The following AP3S2 variants were observed in gnomAD, a reference collection of about 807,000 sequenced individuals.
AP3S2 encodes adaptor related protein complex 3 subunit sigma 2.
In AP3S2, 22 loss-of-function variants were observed where a neutral mutation model predicts 23.4. The ratio of observed to expected loss-of-function variants is 0.94; its 90% confidence interval spans 0.67 to 1.34. The LOEUF is 1.34. AP3S2 is among the 40% of genes most tolerant of loss of function. The pLI is 0.00. For synonymous variants in AP3S2, 86 were observed against 87.1 expected, an observed-to-expected ratio of 0.99 and a Z score of 0.07; for missense variants, 241 against 236.9, an observed-to-expected ratio of 1.02 and a Z score of -0.11.
intron 4 of AP3S2, among the ~76,000 whole-genome samples, chr15:89,863,457 T>C (rs1046541803): frequency 1.1e-4 from 17 of 152,036 alleles, no homozygotes; most frequent in African/African-American, 3.9e-4. Flanking sequence ...AGTGACATTA[T>C]GGTGTGTGTC....
intron 4 of AP3S2, among the ~76,000 whole-genome samples, chr15:89,867,261 G>A (rs1170259379): frequency 5.3e-4 from 79 of 148,992 alleles, no homozygotes; most frequent in African/African-American, 1.9e-3. Flanking sequence ...TGATCCGCCA[G>A]CCTTGGCCTC....
At chr15:89,843,621 C>T (rs115889374) in intron 4 of AP3S2, among the ~76,000 whole-genome samples, 3,235 of 151,818 alleles carry the variant, frequency 0.021, 86 homozygotes, top group African/African-American at 0.059. Flanking sequence ...GGTGATGGAG[C>T]GAGACTCTAT....
At chr15:89,892,252 T>C (rs1171975715) in intron 1 of AP3S2, among the ~76,000 whole-genome samples, 1 of 151,992 alleles carries the variant, frequency 6.6e-6, no homozygotes, top group African/African-American at 2.4e-5. Flanking sequence ...CATGGAGAAA[T>C]AGGGAGTGAC....
At chr15:89,883,451 A>G (rs1332508380) in intron 3 of AP3S2, among the ~76,000 whole-genome samples, 1 of 151,296 alleles carries the variant, frequency 6.6e-6, no homozygotes, top group African/African-American at 2.4e-5. Context: ...GCTGGAGTGT[A>G]GTGGCATGAA....
chr15:89,859,264 T>C (rs1207451255), intron 4 of AP3S2, among the ~76,000 whole-genome samples: 1 of 150,534 alleles, frequency 6.6e-6, no homozygotes, highest in African/African-American at 2.5e-5. Context: ...TCCTTCCTTT[T>C]TTTCTTTTCT....
chr15:89,869,447 G>A (rs1896260817), intron 4 of AP3S2, among the ~76,000 whole-genome samples: 1 of 147,036 alleles, frequency 6.8e-6, no homozygotes. Flanking sequence ...AGGCCGCAGG[G>A]TCCTCTGCCT....
At chr15:89,871,393 A>C in intron 4 of AP3S2, 82 bp downstream of exon 4, 1 of 1,266,140 alleles carries the variant, frequency 7.9e-7, no homozygotes, top group Non-Finnish European at 1.1e-6. Context: ...AACAATATGA[A>C]GATGTAGAGG....
chr15:89,893,834 C>T (rs1310764138), intron 1 of AP3S2, 47 bp downstream of exon 1: 1 of 1,547,802 alleles, frequency 6.5e-7, no homozygotes, highest in East Asian at 2.4e-5. Flanking sequence ...GGAGGGAAGA[C>T]ATAGTGGGCG....
At chr15:89,868,676 C>T (rs1896227922) in intron 4 of AP3S2, among the ~76,000 whole-genome samples, 1 of 120,126 alleles carries the variant, frequency 8.3e-6, no homozygotes, top group Non-Finnish European at 1.8e-5. Context: ...GCCAGCCGCC[C>T]GGTCCGGGAG....
At chr15:89,852,088 C>T (rs150693569) in intron 4 of AP3S2, among the ~76,000 whole-genome samples, 125 of 151,846 alleles carry the variant, frequency 8.2e-4, no homozygotes, top group Non-Finnish European at 1.4e-3. Flanking sequence ...TAATCAGAGT[C>T]CAGGATCTGA....
chr15:89,844,213 TTCTTTCTTTCTTTC>T (rs1895410560), intron 4 of AP3S2, among the ~76,000 whole-genome samples: 2 of 9,728 alleles, frequency 2.1e-4, no homozygotes, highest in African/African-American at 3.1e-4. Flanking sequence ...TTCTTTCTCT[TTCTTTCTTTCTTTC>T]TTTCTTTCTT....
intron 3 of AP3S2, among the ~76,000 whole-genome samples, chr15:89,886,299 C>G (rs928408330): frequency 6.6e-6 from 1 of 151,930 alleles, no homozygotes; most frequent in Non-Finnish European, 1.5e-5. Context: ...GAGCTGAGAT[C>G]GTGCCACTGC....
intron 5 of AP3S2, 151 bp from the exon 6 acceptor site, chr15:89,835,794 G>A (rs1026500097): frequency 1.5e-5 from 18 of 1,220,742 alleles, no homozygotes; most frequent in South Asian, 1.3e-4. Flanking sequence ...TTGGGAGGCC[G>A]AGGTGGGTGG....
chr15:89,835,574 G>A lies in AP3S2; in HGVS notation c.523C>T (p.Arg175Trp), dbSNP rs139910320. ...TTGAGATCGCCAATGTTGATGTTCC[G>A]AGGAATCTCTGGCAGGTTGATGTTT... ...VKNINLPEIPRNINIGDLNIK... is the reference protein window; with the variant it reads ...VKNINLPEIPWNINIGDLNIK... The change falls in exon 6 of 6, where the codon CGG becomes TGG. Residue 175 changes from arginine (R) to tryptophan (W), a missense_variant. Coordinates refer to ENST00000336418, the MANE Select transcript of AP3S2 (RefSeq NM_005829.5). The A allele has an allele frequency of 2.9e-5, 47 of 1,613,992 alleles. No individual in the cohort carries two copies. Among genetic ancestry groups the A allele is most frequent in the East Asian group, 6.7e-5 (3 of 44,868 alleles).
Position 89,835,159 on chromosome 15 carries a change from C to T in AP3S2, c.*356G>A. 1 of 323,558 alleles carries T rather than the reference C, an allele frequency of 3.1e-6. No homozygotes were observed. Among genetic ancestry groups the T allele is most frequent in the South Asian group, 1.1e-4 (1 of 9,112 alleles). The allele number at this position is 323,558 out of a possible 1,614,324, so 20.0% of individuals were successfully genotyped here. On this transcript the variant is annotated 3_prime_UTR_variant, in exon 6 of 6. Coordinates refer to ENST00000336418, the MANE Select transcript of AP3S2 (RefSeq NM_005829.5). ...GCCCTAGTGAGGAGGTTCTGGGAAG[C>T]AGGTGGGCCTGCTCAATGCAGTCCC...
chr15:89,869,334 G>A (rs1358103099), intron 4 of AP3S2, among the ~76,000 whole-genome samples: 1 of 148,236 alleles, frequency 6.7e-6, no homozygotes, highest in East Asian at 2.0e-4. Context: ...ATTAAGGGCG[G>A]TGCAAGATGT....
At chr15:89,864,653 C>T (rs1488587662) in intron 4 of AP3S2, among the ~76,000 whole-genome samples, 2 of 150,954 alleles carry the variant, frequency 1.3e-5, no homozygotes, top group African/African-American at 2.4e-5. Context: ...AAGTGATTCT[C>T]CTGCCTCAGC....
At chr15:89,844,292 T>C (rs1368734781) in intron 4 of AP3S2, among the ~76,000 whole-genome samples, 3 of 147,720 alleles carry the variant, frequency 2.0e-5, no homozygotes, top group Non-Finnish European at 4.5e-5. Context: ...TCTTTCTTTC[T>C]TTACTTTTTT....
chr15:89,876,910 C>A, intron 3 of AP3S2: 1 of 192,204 alleles, frequency 5.2e-6, no homozygotes. Flanking sequence ...CAAATGGGAG[C>A]CCTGCAAGCA....
Sources: gnomAD v4.1 joint callset for allele counts (sites outside exome capture counted in the v4.1 genomes callset) on GRCh38, gnomAD v4.1.1 for gene constraint, MANE v1.5 for transcripts, NCBI Gene and HGNC (gene_info 2026-07-23, HGNC 2026-07-21) for gene names.